Variants in GRAMD1B observed in about 807,000 individuals in gnomAD.
GRAMD1B encodes protein Aster-B.
GRAMD1B carries 37 observed loss-of-function variants against 99.7 expected under a neutral mutation model. The ratio of observed to expected loss-of-function variants is 0.37; its 90% confidence interval spans 0.29 to 0.49. GRAMD1B has a LOEUF of 0.49. Ranked by LOEUF, GRAMD1B falls within the 20% of genes least tolerant of loss-of-function variation. The pLI is 0.98. For missense variants in GRAMD1B, 888 were observed against 1,009.2 expected (o/e 0.88, Z 1.63); for synonymous variants, 427 against 387.6 (o/e 1.10, Z -1.19).
At chr11:123,445,352 C>T (rs1949590000) in intron 1 of GRAMD1B, among the ~76,000 whole-genome samples, 1 of 152,100 alleles carries the variant, frequency 6.6e-6, no homozygotes, top group African/African-American at 2.4e-5. Flanking sequence ...TCTTTTTGAC[C>T]TTTTTGTTGA....
At chr11:123,415,507 G>A (rs541007945) in intron 1 of GRAMD1B, among the ~76,000 whole-genome samples, 13 of 151,522 alleles carry the variant, frequency 8.6e-5, no homozygotes, top group Admixed American at 8.6e-4. Context: ...GAGCCAGGGG[G>A]TGCTTGGTCT....
Position 123,446,259 on chromosome 11 carries a change from A to G in GRAMD1B, c.374+15093A>G, listed in dbSNP as rs190711266. Among the ~76,000 whole-genome samples, 1,024 of 152,082 alleles carry G rather than the reference A, an allele frequency of 6.7e-3. 12 individuals are homozygous for G. Among genetic ancestry groups the G allele is most frequent in the African/African-American group, 0.023 (947 of 41,468 alleles). On this transcript the variant is annotated intron_variant, in intron 1 of 19. Coordinates refer to ENST00000635736, the MANE Select transcript of GRAMD1B (RefSeq NM_001387025.1). Reference sequence around the variant, plus strand: ...CGGCTCACTACACCCTCCACCTCCCAGGTTCAAGAGATTCTCCCGCCTCAG... The same window carrying G: ...CGGCTCACTACACCCTCCACCTCCCGGGTTCAAGAGATTCTCCCGCCTCAG...
chr11:123,379,629 T>C (rs913148099), intron 1 of GRAMD1B, among the ~76,000 whole-genome samples: 18 of 152,242 alleles, frequency 1.2e-4, no homozygotes, highest in African/African-American at 4.3e-4. Context: ...TTATGAGTAA[T>C]GCTCCTGTGA....
At chr11:123,586,865 G>A (rs754184122) in intron 4 of GRAMD1B, among the ~76,000 whole-genome samples, 1 of 152,236 alleles carries the variant, frequency 6.6e-6, no homozygotes. Context: ...CCCAGGGTCA[G>A]TGCTGCAGCC....
chr11:123,506,239 C>A lies in GRAMD1B; in HGVS notation c.452+25346C>A, dbSNP rs577167668. The stretch of plus-strand genomic sequence containing the variant: ...TCAGTTTCCTTGCAGCCCCACCTCC[C>A]AAGAGGCAGCTGCCATGGAGGCTCT... On this transcript the variant is annotated intron_variant, in intron 2 of 19. Transcript: ENST00000635736. 2.0e-5 allele frequency among the ~76,000 whole-genome samples: 3 copies of A among 152,258 alleles called. No individual in the cohort carries two copies. In the South Asian group the frequency reaches 6.2e-4, roughly 32 times the overall value.
intron 1 of GRAMD1B, among the ~76,000 whole-genome samples, chr11:123,369,354 T>C (rs1435515484): frequency 1.3e-5 from 2 of 151,880 alleles, no homozygotes; most frequent in Non-Finnish European, 2.9e-5. Flanking sequence ...ATAAGAAATA[T>C]CTAGATAGGG....
rs867346518 is a variant in GRAMD1B at position 123,430,864 on chromosome 11, C to G, written c.72C>G (p.Pro24=). ...ALQVPEPQGA[P]EGSPVWSSSS... ...AGGTGCCCGAGCCGCAGGGTGCGCCCGAGGGCAGCCCGGTCTGGTCCAGTT... is the reference window on the plus strand; with the variant it reads ...AGGTGCCCGAGCCGCAGGGTGCGCCGGAGGGCAGCCCGGTCTGGTCCAGTT... The change falls in exon 1 of 20, where the codon CCC becomes CCG. Residue 24 remains proline (P), a synonymous_variant. Coordinates refer to ENST00000635736, the MANE Select transcript of GRAMD1B (RefSeq NM_001387025.1). The G allele has an allele frequency of 7.1e-6, 5 of 701,766 alleles. No homozygotes were observed. The highest frequency in any genetic ancestry group is 3.5e-5 in the African/African-American group (2 of 57,242). The allele number at this position is 701,766 out of a possible 1,614,324, so 43.5% of individuals were successfully genotyped here. A position where few individuals can be genotyped will look rare whatever the true frequency, so the allele number is the denominator to read the frequency against.
At position 123,541,538 on chromosome 11, in the gene GRAMD1B, A is replaced by AT. The variant is rs796079422; in HGVS notation, c.453-35815dup. Among the ~76,000 whole-genome samples the AT allele has an allele frequency of 6.0e-3, 855 of 143,246 alleles. 9 individuals are homozygous for AT. Among genetic ancestry groups the AT allele is most frequent in the African/African-American group, 0.012 (456 of 37,248 alleles). The allele number at this position is 143,246 out of a possible 152,430, so 94.0% of individuals were successfully genotyped here. On this transcript the variant is annotated intron_variant, in intron 2 of 19. Transcript: ENST00000635736. ...CTATTTATATTTCTTCTGTGAATTG[A>AT]TTTTTTTTTTTTTTGGCCTTTGCTC...
chr11:123,455,084 C>G (rs1166028594), intron 1 of GRAMD1B, among the ~76,000 whole-genome samples: 1 of 152,064 alleles, frequency 6.6e-6, no homozygotes, highest in Non-Finnish European at 1.5e-5. Context: ...TGAATATGTA[C>G]TTCATGTAAG....
At chr11:123,586,209 T>C (rs1201242516) in intron 4 of GRAMD1B, among the ~76,000 whole-genome samples, 1 of 152,138 alleles carries the variant, frequency 6.6e-6, no homozygotes, top group African/African-American at 2.4e-5. Context: ...ATGACACATA[T>C]GAGAGCCAGC....
intron 1 of GRAMD1B, among the ~76,000 whole-genome samples, chr11:123,419,715 G>C (rs1289846935): frequency 7.7e-6 from 1 of 130,174 alleles, no homozygotes; most frequent in African/African-American, 3.1e-5. Flanking sequence ...GTGTGTGTGT[G>C]TGTGTGTGTG....
chr11:123,401,500 C>T (rs1050459789), intron 1 of GRAMD1B, among the ~76,000 whole-genome samples: 1 of 152,220 alleles, frequency 6.6e-6, no homozygotes, highest in African/African-American at 2.4e-5. Flanking sequence ...GATGGCCTCC[C>T]TCACACAAAA....
chr11:123,544,874 T>C (rs1328630875), intron 2 of GRAMD1B, among the ~76,000 whole-genome samples: 1 of 152,238 alleles, frequency 6.6e-6, no homozygotes, highest in African/African-American at 2.4e-5. Context: ...CTCTTTTCTT[T>C]CCTGGTGGCT....
chr11:123,488,220 A>C (rs1158658432), intron 2 of GRAMD1B, among the ~76,000 whole-genome samples: 1 of 152,080 alleles, frequency 6.6e-6, no homozygotes, highest in Admixed American at 6.5e-5. Flanking sequence ...ATACCATTGC[A>C]CTGGAGGTTA....
chr11:123,453,469 A>T (rs1949979338), intron 1 of GRAMD1B, among the ~76,000 whole-genome samples: 1 of 152,112 alleles, frequency 6.6e-6, no homozygotes, highest in Non-Finnish European at 1.5e-5. Flanking sequence ...GGCACGCGCC[A>T]CCACACACAG....
intron 1 of GRAMD1B, among the ~76,000 whole-genome samples, chr11:123,395,993 C>G (rs912937642): frequency 6.6e-6 from 1 of 152,040 alleles, no homozygotes; most frequent in African/African-American, 2.4e-5. Flanking sequence ...TTATTAGTAG[C>G]TTATATTTAG....
rs1952786594 is a variant in GRAMD1B at position 123,606,688 on chromosome 11, T to C, written c.1403T>C (p.Met468Thr). ...AAGGAGCTCGCCATTGACAACATCA[T>C]GGGGGAGAAGATTGAGATGATCGCT... ...LEKELAIDNI[M>T]GEKIEMIAPV... The change falls in exon 11 of 20, where the codon ATG becomes ACG. Residue 468 changes from methionine to threonine, a missense_variant. Physicochemically the swap from Met to Thr is moderately conservative, Grantham distance 81. Coordinates refer to ENST00000635736, the MANE Select transcript of GRAMD1B (RefSeq NM_001387025.1). The C allele has an allele frequency of 6.2e-7, 1 of 1,613,484 alleles. No individual in the cohort carries two copies. The highest frequency in any genetic ancestry group is 1.7e-5 in the Admixed American group (1 of 59,978).
intron 1 of GRAMD1B, among the ~76,000 whole-genome samples, chr11:123,468,854 G>A (rs1950843134): frequency 6.6e-6 from 1 of 151,484 alleles, no homozygotes; most frequent in South Asian, 2.1e-4. Flanking sequence ...GTGGGTGGTG[G>A]TCACCAAGGA....
At position 123,510,600 on chromosome 11, in the gene GRAMD1B, G is replaced by T. The variant is rs1408361848; in HGVS notation, c.452+29707G>T. 6.6e-6 allele frequency among the ~76,000 whole-genome samples: 1 copy of T among 152,176 alleles called. No individual in the cohort carries two copies. Among genetic ancestry groups the T allele is most frequent in the Non-Finnish European group, 1.5e-5 (1 of 68,032 alleles). ...CAGAGGGGTGGTTTGTTCTCCGTGG[G>T]TGGACGTTTGTGACTCTGCCTTTTC... On this transcript the variant is annotated intron_variant, in intron 2 of 19. Transcript: ENST00000635736. The surrounding 1 kb of genome is among the most constrained non-coding windows in gnomAD (Gnocchi z 4.3).
Sources: gnomAD v4.1 joint callset for allele counts (sites outside exome capture counted in the v4.1 genomes callset) on GRCh38, gnomAD v4.1.1 for gene constraint, Gnocchi (gnomAD v3.1) non-coding constraint, MANE v1.5 for transcripts, NCBI Gene and HGNC (gene_info 2026-07-23, HGNC 2026-07-21) for gene names.